GSE1: variants seen among roughly 807,000 people sequenced by gnomAD.
GSE1 encodes Gse1 coiled-coil protein.
A neutral mutation model predicts 112.6 loss-of-function variants in GSE1; 32 were observed. The observed-to-expected ratio is 0.28, with a 90% confidence interval of 0.21 to 0.38. The LOEUF is 0.38. Ranked by LOEUF, GSE1 falls within the 10% of genes least tolerant of loss-of-function variation. The probability of loss-of-function intolerance (pLI) is 1.00; values close to 1 mark genes in which losing one functional copy is unlikely to be tolerated. For missense variants in GSE1, 2,348 were observed against 1,699.2 expected (o/e 1.38, Z -6.71); for synonymous variants, 1,115 against 735.6 (o/e 1.52, Z -8.35).
intron 2 of GSE1, among the ~76,000 whole-genome samples, chr16:85,641,662 G>A (rs1472185427): frequency 6.6e-6 from 1 of 152,266 alleles, no homozygotes. Context: ...CTTGTCACTT[G>A]TGCGATGGGG....
chr16:85,555,789 C>T (rs1479900679), upstream of GSE1: 1 of 975,362 alleles, frequency 1.0e-6, no homozygotes, highest in East Asian at 1.1e-4. Context: ...TTGCTACTCG[C>T]ACGTCCTGGG....
intron 1 of GSE1, among the ~76,000 whole-genome samples, chr16:85,602,124 G>A (rs2047492849): frequency 6.6e-6 from 1 of 152,230 alleles, no homozygotes; most frequent in South Asian, 2.1e-4. Context: ...CAGCAAGGAT[G>A]AAGGCAGAAG....
In GSE1 at chr16:85,444,045, C is replaced by T. The variant is rs143866738; in HGVS notation, c.2464+86402C>T. On this transcript the variant is annotated intron_variant, in intron 2 of 2. Coordinates refer to the GSE1 transcript ENST00000637419. ...CTGTCGCCAGGCTGGAGTACAGTGG[C>T]GTGATCTTGGCTCACTGCGACCTCC... Among the ~76,000 whole-genome samples the T allele has an allele frequency of 1.4e-4, 17 of 121,410 alleles. 1 individual carries two copies. The highest frequency in any genetic ancestry group is 5.7e-4 in the South Asian group (2 of 3,518). The allele number at this position is 121,410 out of a possible 152,430, so 79.6% of individuals were successfully genotyped here.
At chr16:85,549,075 C>A (rs1011626556) in intron 2 of GSE1, among the ~76,000 whole-genome samples, 5 of 152,204 alleles carry the variant, frequency 3.3e-5, no homozygotes, top group African/African-American at 1.2e-4. Flanking sequence ...CCGTGAGCCA[C>A]CGCGCCCGGC....
chr16:85,556,509 G>A (rs1366925153), intron 1 of GSE1: 3 of 179,598 alleles, frequency 1.7e-5, no homozygotes, highest in Non-Finnish European at 3.2e-5. Flanking sequence ...CGCGGCCTCG[G>A]ATCCTCCCGC....
chr16:85,652,601 G>T (rs908108197), intron 3 of GSE1, among the ~76,000 whole-genome samples: 44 of 152,348 alleles, frequency 2.9e-4, no homozygotes, highest in Non-Finnish European at 1.0e-4. Flanking sequence ...GTCTCCTGGA[G>T]GGTGGAGAGA....
chr16:85,649,506 T>C (rs1301565105), intron 3 of GSE1, among the ~76,000 whole-genome samples: 1 of 152,174 alleles, frequency 6.6e-6, no homozygotes, highest in Non-Finnish European at 1.5e-5. Flanking sequence ...CGGGGCTCCT[T>C]ATGTCTGTGG....
At chr16:85,258,971 C>A (rs565247644) in intron 1 of GSE1, among the ~76,000 whole-genome samples, 9 of 152,208 alleles carry the variant, frequency 5.9e-5, no homozygotes, top group Non-Finnish European at 1.0e-4. Context: ...TCTCTGGGGG[C>A]TGAGCTTCTG....
rs774400909 is a variant in GSE1, at chr16:85,665,046, C to A, written c.2676C>A (p.Ala892=). The A allele has an allele frequency of 6.2e-7, 1 of 1,611,616 alleles. No individual in the cohort carries two copies. The highest frequency in any genetic ancestry group is 1.7e-5 in the Admixed American group (1 of 60,014). ...DKERLVEMLR[A]MKQKALSAAV... The stretch of plus-strand genomic sequence containing the variant: ...AGAGACTTGTTGAAATGCTCCGTGC[C>A]ATGAAGCAGAAGGCACTGTCAGCAG... The change falls in exon 12 of 16, where the codon GCC becomes GCA. Residue 892 remains alanine, a synonymous_variant. Transcript: ENST00000253458.
At chr16:85,648,487 C>T (rs1199497531) in intron 2 of GSE1, 65 bp from the exon 3 acceptor site, 2 of 816,652 alleles carry the variant, frequency 2.4e-6, no homozygotes, top group East Asian at 5.7e-5. Flanking sequence ...GCCCAGGTCC[C>T]CAGCTGGCAC....
At chr16:85,515,497 C>A (rs369253854) in intron 2 of GSE1, among the ~76,000 whole-genome samples, 1 of 152,058 alleles carries the variant, frequency 6.6e-6, no homozygotes, top group East Asian at 1.9e-4. Flanking sequence ...GGCGGAGGGA[C>A]GTGGGGGAAG....
At chr16:85,426,345 G>A (rs570361112) in intron 2 of GSE1, among the ~76,000 whole-genome samples, 1 of 150,142 alleles carries the variant, frequency 6.7e-6, no homozygotes, top group East Asian at 2.0e-4. Context: ...ATGGATGGAT[G>A]GAAGAAGGGT....
rs3833833 is a variant in GSE1, at chr16:85,656,376, GGAGCGC to G, written c.1041_1046del (p.Arg351_Glu352del). 56,740 of 1,598,526 alleles carry G rather than the reference GGAGCGC, an allele frequency of 0.035. 1,521 individuals carry two copies. Among genetic ancestry groups the G allele is most frequent in the African/African-American group, 0.11 (8,307 of 72,384 alleles). On this transcript the variant is annotated inframe_deletion, in exon 7 of 16. Transcript: ENST00000253458. ...TGGACGAGGAGCTAAGGCGGGAGAG[GGAGCGC>G]GAGCGCGAGCGCGAGCGTGAGCGTG...
At chr16:85,203,404 C>T (rs1484384915) in intron 1 of GSE1, among the ~76,000 whole-genome samples, 4 of 152,272 alleles carry the variant, frequency 2.6e-5, no homozygotes, top group East Asian at 1.9e-4. Flanking sequence ...CAGTGGTGAG[C>T]GGGCAGAGCC....
intron 2 of GSE1, among the ~76,000 whole-genome samples, chr16:85,542,159 T>C (rs979064913): frequency 1.4e-4 from 21 of 152,256 alleles, no homozygotes; most frequent in African/African-American, 4.8e-4. Context: ...TGTGTGCATG[T>C]TGGAATTTGT....
intron 8 of GSE1, among the ~76,000 whole-genome samples, chr16:85,660,940 A>G (rs866194456): frequency 5.3e-5 from 8 of 152,232 alleles, no homozygotes; most frequent in South Asian, 2.1e-4. Flanking sequence ...GAGTCTTTAA[A>G]GAAAAGAAAG....
At chr16:85,613,239 T>C, upstream of GSE1, 1 of 1,513,034 alleles carries the variant, frequency 6.6e-7, no homozygotes, top group Non-Finnish European at 8.8e-7. Context: ...CAGCAGCAGG[T>C]GTTTCTTGGC....
At chr16:85,397,284 G>A (rs2047988455) in intron 2 of GSE1, among the ~76,000 whole-genome samples, 2 of 152,328 alleles carry the variant, frequency 1.3e-5, no homozygotes, top group African/African-American at 2.4e-5. Flanking sequence ...GGAGGGCCCA[G>A]GGCCACACAG....
chr16:85,670,487 A>T (rs574075945), intron 14 of GSE1: 1 of 152,222 alleles, frequency 6.6e-6, no homozygotes, highest in East Asian at 1.9e-4. Context: ...GTACTTTGGT[A>T]TCCAGATTGT....
Sources: allele counts gnomAD v4.1 joint callset (sites outside exome capture counted in the v4.1 genomes callset), GRCh38; gene constraint gnomAD v4.1.1; transcripts MANE v1.5; gene names NCBI Gene and HGNC (gene_info 2026-07-23, HGNC 2026-07-21).